The following LRRC19 variants were observed in gnomAD, a reference collection of about 807,000 sequenced individuals.
The protein encoded by LRRC19 is leucine-rich repeat-containing protein 19.
In LRRC19, 33 loss-of-function variants were observed where a neutral mutation model predicts 33.3. That is an observed-to-expected ratio of 0.99 (90% CI 0.75 to 1.33). LRRC19 has a LOEUF of 1.33. Among genes scored for constraint, LRRC19 ranks in the 40% most tolerant of loss-of-function variants. The pLI, the probability that LRRC19 is intolerant of heterozygous loss-of-function variation, is 0.00. For missense variants in LRRC19, 463 were observed against 417.3 expected, an observed-to-expected ratio of 1.11 and a Z score of -0.95; for synonymous variants, 184 against 152.3, an observed-to-expected ratio of 1.21 and a Z score of -1.53.
chr9:26,999,731 A>C, intron 1 of LRRC19, 28 bp from the exon 2 acceptor site: 1 of 1,409,900 alleles, frequency 7.1e-7, no homozygotes, highest in East Asian at 2.3e-5. Context: ...ATTTTCATTA[A>C]GGACATTTTT....
In LRRC19 at chr9:26,994,329, G is replaced by A. The variant is rs1828030936; in HGVS notation, c.*1192C>T. On this transcript the variant is annotated 3_prime_UTR_variant, in exon 5 of 5. Coordinates refer to ENST00000380055, the MANE Select transcript of LRRC19 (RefSeq NM_022901.3). ...CGAGGCGGGTAGATCATGAGGTCAGGCGTTCGAGACCAGCCTGGCCAACAT... is the reference window on the plus strand; with the variant it reads ...CGAGGCGGGTAGATCATGAGGTCAGACGTTCGAGACCAGCCTGGCCAACAT... The A allele has an allele frequency of 6.6e-6, 1 of 152,076 alleles. No homozygotes were observed. Among genetic ancestry groups the A allele is most frequent in the African/African-American group, 2.4e-5 (1 of 41,372 alleles). The allele number at this position is 152,076 out of a possible 1,614,324, so 9.4% of individuals were successfully genotyped here.
intron 1 of LRRC19, 69 bp downstream of exon 1, chr9:27,005,523 A>G (rs556094023): frequency 1.3e-5 from 2 of 151,854 alleles, no homozygotes; most frequent in African/African-American, 4.8e-5. Flanking sequence ...GGTTGTACAG[A>G]CTTAACAAAC....
At position 26,993,757 on chromosome 9, in the gene LRRC19, T is replaced by C. The variant is rs10967649; in HGVS notation, c.*1764A>G. ...GTAGCATATTATACCCTTATTTAGC[T>C]CCCAGCTCCATCAGCTCATATTTGA... is the stretch of plus-strand genomic sequence containing the variant. On this transcript the variant is annotated 3_prime_UTR_variant, in exon 5 of 5. Transcript: ENST00000380055. 2 of 152,088 alleles carry C rather than the reference T, an allele frequency of 1.3e-5. No individual in the cohort carries two copies. The highest frequency in any genetic ancestry group is 2.9e-5 in the Non-Finnish European group (2 of 68,026). The allele number at this position is 152,088 out of a possible 1,614,324, so 9.4% of individuals were successfully genotyped here.
chr9:26,999,946 A>G (rs917118335), intron 1 of LRRC19, among the ~76,000 whole-genome samples: 2 of 151,714 alleles, frequency 1.3e-5, no homozygotes, highest in African/African-American at 4.8e-5. Flanking sequence ...AATTTTAAAA[A>G]TTTTTGTAGA....
intron 1 of LRRC19, among the ~76,000 whole-genome samples, chr9:27,003,978 A>G (rs914998418): frequency 2.0e-5 from 3 of 152,198 alleles, no homozygotes; most frequent in South Asian, 4.1e-4. Flanking sequence ...TGATGTCTCT[A>G]GTAGGCTGCA....
At chr9:27,001,262 C>T (rs1274555675) in intron 1 of LRRC19, among the ~76,000 whole-genome samples, 3 of 152,082 alleles carry the variant, frequency 2.0e-5, no homozygotes, top group Non-Finnish European at 4.4e-5. Context: ...TCCTCCAATA[C>T]ACATGGGAGT....
At chr9:27,003,641 A>G (rs768417847) in intron 1 of LRRC19, among the ~76,000 whole-genome samples, 1 of 152,152 alleles carries the variant, frequency 6.6e-6, no homozygotes, top group African/African-American at 2.4e-5. Flanking sequence ...GTTCTAGTCA[A>G]CTTCCTCATT....
intron 3 of LRRC19, 114 bp downstream of exon 3, chr9:26,997,614 A>G (rs1828234211): frequency 8.8e-7 from 1 of 1,134,186 alleles, no homozygotes. Context: ...GATTACAGGC[A>G]TGAGCCACTG....
rs1007376039 is a variant in LRRC19 at position 26,999,699 on chromosome 9, C to G, written c.-5G>C. 1.9e-6 allele frequency: 3 copies of G among 1,593,484 alleles called. No individual in the cohort carries two copies. In the African/African-American group the frequency reaches 4.1e-5, roughly 22 times the overall value. On this transcript the variant is annotated 5_prime_UTR_variant, in exon 2 of 5. Transcript: ENST00000380055. Reference sequence around the variant, plus strand: ...TGTGATGCCTGTGACTTTCATGTTGCAGACCTGATAGAAAAGAGAGTATTT... The same window carrying G: ...TGTGATGCCTGTGACTTTCATGTTGGAGACCTGATAGAAAAGAGAGTATTT...
intron 2 of LRRC19, among the ~76,000 whole-genome samples, chr9:26,998,895 G>A (rs1162438983): frequency 6.6e-6 from 1 of 152,122 alleles, no homozygotes; most frequent in Non-Finnish European, 1.5e-5. Context: ...TTGGGAGGCT[G>A]AGGCAGGATA....
rs554919206 is a variant in LRRC19 at position 26,993,867 on chromosome 9, A to G, written c.*1654T>C. On this transcript the variant is annotated 3_prime_UTR_variant, in exon 5 of 5. Coordinates refer to ENST00000380055, the MANE Select transcript of LRRC19 (RefSeq NM_022901.3). ...ACCAGAAATATTATTTCACCCATCA[A>G]TATATTTCATTATTTCAGAGATATA... The G allele has an allele frequency of 2.0e-5, 3 of 152,262 alleles. No individual in the cohort carries two copies. The South Asian group carries it at 6.2e-4, about 32-fold the overall frequency. The allele number at this position is 152,262 out of a possible 1,614,324, so 9.4% of individuals were successfully genotyped here.
chr9:27,005,649 G>A lies in LRRC19; in HGVS notation c.-67C>T, dbSNP rs1292554200. 2 of 148,866 alleles carry A rather than the reference G, an allele frequency of 1.3e-5. No individual in the cohort carries two copies. Among genetic ancestry groups the A allele is most frequent in the Admixed American group, 6.7e-5 (1 of 14,972 alleles). 9.2% of individuals were successfully genotyped at this position (148,866 alleles called of 1,614,324 possible). On this transcript the variant is annotated 5_prime_UTR_variant, in exon 1 of 5. Coordinates refer to ENST00000380055, the MANE Select transcript of LRRC19 (RefSeq NM_022901.3). Reference sequence around the variant, plus strand: ...TAAAGGAAATTAACTCTGTTTCAACGGCATTAAAAAAAGTACATCGTATGA... The same window carrying A: ...TAAAGGAAATTAACTCTGTTTCAACAGCATTAAAAAAAGTACATCGTATGA...
chr9:26,998,000 G>A lies in LRRC19; in HGVS notation c.323C>T (p.Ser108Phe), dbSNP rs143123550. 3.2e-5 allele frequency: 51 copies of A among 1,613,880 alleles called. No individual in the cohort carries two copies. The African/African-American group carries it at 6.3e-4, about 20-fold the overall frequency. Residue 108 changes from serine (S) to phenylalanine (F), a missense_variant, in exon 3 of 5, where the codon TCC becomes TTC. Coordinates refer to ENST00000380055, the MANE Select transcript of LRRC19 (RefSeq NM_022901.3). The part of the protein sequence containing the change: ...SLEILNICRN[S>F]IYVIQQGAFL... ...TGCACCCTGTTGAATTACATAGATG[G>A]AGTTTCTACAGATATTTAAAATTTC...
intron 2 of LRRC19, among the ~76,000 whole-genome samples, chr9:26,999,011 C>T (rs115279517): frequency 0.013 from 1,927 of 152,178 alleles, 37 homozygotes; most frequent in African/African-American, 0.044. Flanking sequence ...AGCAATCAAT[C>T]AATCAGTCTG....
In LRRC19 at chr9:26,995,514, A is replaced by G. The variant is rs377007727; in HGVS notation, c.*7T>C. 226 of 1,501,670 alleles carry G rather than the reference A, an allele frequency of 1.5e-4. No homozygotes were observed. In the African/African-American group the frequency reaches 2.8e-3, roughly 19 times the overall value. The allele number at this position is 1,501,670 out of a possible 1,614,324, so 93.0% of individuals were successfully genotyped here. A position where few individuals can be genotyped will look rare whatever the true frequency, so the allele number is the denominator to read the frequency against. Reference sequence around the variant, plus strand: ...ACTTTGCTTTAAAAAGCAAACTTTGAAAGAAATTAATTTTCTTCACATAAT... The same window carrying G: ...ACTTTGCTTTAAAAAGCAAACTTTGGAAGAAATTAATTTTCTTCACATAAT... On this transcript the variant is annotated 3_prime_UTR_variant, in exon 5 of 5. Transcript: ENST00000380055.
chr9:27,001,629 C>A (rs1176818687), intron 1 of LRRC19, among the ~76,000 whole-genome samples: 1 of 152,192 alleles, frequency 6.6e-6, no homozygotes, highest in African/African-American at 2.4e-5. Context: ...CTATTCAGTT[C>A]TTTTGCCATG....
intron 3 of LRRC19, among the ~76,000 whole-genome samples, chr9:26,997,210 C>T (rs1182178177): frequency 7.3e-6 from 1 of 136,674 alleles, no homozygotes; most frequent in Non-Finnish European, 1.5e-5. Context: ...AAAACTCTGT[C>T]TCAAAAAAAA....
At position 26,993,576 on chromosome 9, in the gene LRRC19, C is replaced by A. The variant is rs955185705; in HGVS notation, c.*1945G>T. 2.0e-5 allele frequency: 3 copies of A among 152,434 alleles called. No homozygotes were observed. In the South Asian group the frequency reaches 6.2e-4, roughly 32 times the overall value. The allele number at this position is 152,434 out of a possible 1,614,324, so 9.4% of individuals were successfully genotyped here. On this transcript the variant is annotated 3_prime_UTR_variant, in exon 5 of 5. Transcript: ENST00000380055. ...ACTAATTATGTAACTTTTAAAATGA[C>A]TATTCTATAGATTATGACATAGATC... is the stretch of plus-strand genomic sequence containing the variant.
rs1416883915 is a variant in LRRC19 at position 26,995,485 on chromosome 9, GATA to G, written c.*33_*35del. On this transcript the variant is annotated 3_prime_UTR_variant, in exon 5 of 5. Coordinates refer to ENST00000380055, the MANE Select transcript of LRRC19 (RefSeq NM_022901.3). ...TCTCCATATCTAAACTGAGTGAGCTGATAACTTTGCTTTAAAAAGCAAACTTTG... is the reference window on the plus strand; with the variant it reads ...TCTCCATATCTAAACTGAGTGAGCTGACTTTGCTTTAAAAAGCAAACTTTG... The G allele has an allele frequency of 8.0e-7, 1 of 1,245,760 alleles. No individual in the cohort carries two copies. 77.2% of individuals were successfully genotyped at this position (1,245,760 alleles called of 1,614,324 possible). A position where few individuals can be genotyped will look rare whatever the true frequency, so the allele number is the denominator to read the frequency against.
Sources: allele counts gnomAD v4.1 joint callset (sites outside exome capture counted in the v4.1 genomes callset), GRCh38; gene constraint gnomAD v4.1.1; transcripts MANE v1.5; gene names NCBI Gene and HGNC (gene_info 2026-07-23, HGNC 2026-07-21).